Variants in KCNK13 observed in about 807,000 individuals in gnomAD.
KCNK13 encodes the protein potassium two pore domain channel subfamily K member 13, also known as potassium channel subfamily K member 13.
A neutral mutation model predicts 23.4 loss-of-function variants in KCNK13; 12 were observed. The observed-to-expected ratio is 0.51, with a 90% CI of 0.33 to 0.83. The LOEUF is 0.83. KCNK13 is among the 40% of genes least tolerant of loss of function. The pLI is 0.02. For synonymous variants in KCNK13, 231 were observed against 229.5 expected (o/e 1.01, Z -0.06); for missense variants, 463 against 556.3 (o/e 0.83, Z 1.69).
In KCNK13 at chr14:90,069,030, CTTTTTTTT is replaced by C. The variant is rs34881625; in HGVS notation, c.334+6508_334+6515del. On this transcript the variant is annotated intron_variant, in intron 1 of 1. Coordinates refer to ENST00000282146, the MANE Select transcript of KCNK13 (RefSeq NM_022054.4). ...TAGATTCTCAACAACAGTTTTTATT[CTTTTTTTT>C]TTTTTTTTTTTTTTTTGAGACAGAG... is the stretch of plus-strand genomic sequence containing the variant. 2.2e-3 allele frequency among the ~76,000 whole-genome samples: 200 copies of C among 90,106 alleles called. 1 individual carries two copies. The highest frequency in any genetic ancestry group is 0.011 in the South Asian group (26 of 2,352). The allele number at this position is 90,106 out of a possible 152,430, so 59.1% of individuals were successfully genotyped here.
chr14:90,122,923 C>G (rs2037396496), intron 1 of KCNK13, among the ~76,000 whole-genome samples: 7 of 152,138 alleles, frequency 4.6e-5, no homozygotes, highest in Admixed American at 3.9e-4. Context: ...GGTTCCGTCA[C>G]ACACTATCTC....
rs867936290 is a variant in KCNK13, at chr14:90,141,794, T to G, written c.335-42317T>G. Among the ~76,000 whole-genome samples, 51 of 125,628 alleles carry G rather than the reference T, an allele frequency of 4.1e-4. 1 individual carries two copies. The highest frequency in any genetic ancestry group is 5.1e-4 in the African/African-American group (17 of 33,232). 82.4% of individuals were successfully genotyped at this position (125,628 alleles called of 152,430 possible). A position where few individuals can be genotyped will look rare whatever the true frequency, so the allele number is the denominator to read the frequency against. ...TGGGTTTTTGTTTTGTTTTGTTTTTTGGGGGGGGGGACGGAGCCTTGCTCT... is the reference window on the plus strand; with the variant it reads ...TGGGTTTTTGTTTTGTTTTGTTTTTGGGGGGGGGGGACGGAGCCTTGCTCT... On this transcript the variant is annotated intron_variant, in intron 1 of 1. Transcript: ENST00000282146.
intron 1 of KCNK13, among the ~76,000 whole-genome samples, chr14:90,169,688 A>G (rs1890342801): frequency 6.6e-6 from 1 of 152,120 alleles, no homozygotes; most frequent in Admixed American, 6.6e-5. Flanking sequence ...GGACCTCTCC[A>G]TGGGCCTCCT....
At chr14:90,143,184 TCTTTTCTTTCTTTCTTTTCTTTCTTTTC>T (rs1166962200) in intron 1 of KCNK13, among the ~76,000 whole-genome samples, 6,094 of 41,276 alleles carry the variant, frequency 0.15, 263 homozygotes, top group South Asian at 0.41. Flanking sequence ...TCTTTTCTTT[TCTTTTCTTTCTTTCTTTTCTTTCTTTTC>T]TTTTTTTTTT....
intron 1 of KCNK13, among the ~76,000 whole-genome samples, chr14:90,109,301 T>A (rs1006777156): frequency 1.3e-5 from 2 of 151,284 alleles, no homozygotes; most frequent in Non-Finnish European, 2.9e-5. Flanking sequence ...TACCTATAGA[T>A]GAAAAAAAAG....
At chr14:90,133,083 G>A (rs1201281188) in intron 1 of KCNK13, among the ~76,000 whole-genome samples, 2 of 152,136 alleles carry the variant, frequency 1.3e-5, no homozygotes, top group African/African-American at 2.4e-5. Context: ...CCTTGGCTCC[G>A]CAAAGAGATG....
intron 1 of KCNK13, among the ~76,000 whole-genome samples, chr14:90,173,793 G>A (rs1169149023): frequency 1.3e-5 from 2 of 152,178 alleles, no homozygotes; most frequent in African/African-American, 4.8e-5. Flanking sequence ...TGAAGCAGGG[G>A]CTTACAGATC....
intron 1 of KCNK13, among the ~76,000 whole-genome samples, chr14:90,070,478 A>C (rs1889060935): frequency 6.6e-6 from 1 of 152,220 alleles, no homozygotes; most frequent in Admixed American, 6.5e-5. Context: ...TATAGTTTAA[A>C]GATTTCGACC....
At chr14:90,167,874 T>G (rs1890321981) in intron 1 of KCNK13, among the ~76,000 whole-genome samples, 1 of 152,152 alleles carries the variant, frequency 6.6e-6, no homozygotes, top group South Asian at 2.1e-4. Context: ...GAAGAAACAC[T>G]TTCCTCTCTT....
At chr14:90,119,107 C>T (rs552960811) in intron 1 of KCNK13, among the ~76,000 whole-genome samples, 3 of 152,258 alleles carry the variant, frequency 2.0e-5, no homozygotes, top group African/African-American at 7.2e-5. Flanking sequence ...AACTCATTCC[C>T]TGTACAGACC....
chr14:90,075,626 G>A (rs987320638), intron 1 of KCNK13, among the ~76,000 whole-genome samples: 1 of 151,970 alleles, frequency 6.6e-6, no homozygotes, highest in African/African-American at 2.4e-5. Flanking sequence ...TTACAGGCGT[G>A]CACCACCATG....
chr14:90,171,772 T>C (rs1393517858), intron 1 of KCNK13, among the ~76,000 whole-genome samples: 1 of 152,212 alleles, frequency 6.6e-6, no homozygotes, highest in Non-Finnish European at 1.5e-5. Context: ...TATGCATCTA[T>C]CTCAGTGAGC....
intron 1 of KCNK13, among the ~76,000 whole-genome samples, chr14:90,092,139 G>A (rs1336869204): frequency 6.6e-6 from 1 of 152,070 alleles, no homozygotes; most frequent in Non-Finnish European, 1.5e-5. Flanking sequence ...AGCCAGGATG[G>A]TCTCCATCTC....
rs528412686 is a variant in KCNK13 at position 90,142,579 on chromosome 14, A to G, written c.335-41532A>G. ...GTGATCCACCCGCCTCGGCCTCCCAAAGTGCTGGGATTACAGGCATGAGCC... is the reference window on the plus strand; with the variant it reads ...GTGATCCACCCGCCTCGGCCTCCCAGAGTGCTGGGATTACAGGCATGAGCC... On this transcript the variant is annotated intron_variant, in intron 1 of 1. Transcript: ENST00000282146. Among the ~76,000 whole-genome samples, 6 of 151,932 alleles carry G rather than the reference A, an allele frequency of 3.9e-5. No homozygotes were observed. The South Asian group carries it at 6.2e-4, about 16-fold the overall frequency.
At chr14:90,143,171 CTTTCT>C (rs144123906) in intron 1 of KCNK13, among the ~76,000 whole-genome samples, 5,581 of 123,806 alleles carry the variant, frequency 0.045, 253 homozygotes, top group African/African-American at 0.11. Flanking sequence ...TTCTTTCTTT[CTTTCT>C]TTTCTTTTCT....
chr14:90,127,897 T>G (rs1423199779), intron 1 of KCNK13, among the ~76,000 whole-genome samples: 1 of 151,652 alleles, frequency 6.6e-6, no homozygotes, highest in East Asian at 1.9e-4. Flanking sequence ...GTGACCATTC[T>G]GAGTGTACTT....
chr14:90,088,013 T>A lies in KCNK13; in HGVS notation c.334+25474T>A, dbSNP rs146936796. Among the ~76,000 whole-genome samples the A allele has an allele frequency of 3.2e-3, 483 of 152,310 alleles. 4 individuals are homozygous for A. The highest frequency in any genetic ancestry group is 0.011 in the African/African-American group (460 of 41,566). On this transcript the variant is annotated intron_variant, in intron 1 of 1. Transcript: ENST00000282146. ...TATTTATTTATTTATTTTTATTTTTTAATTTTTGAGACAGAGTCTCGCTCT... is the reference window on the plus strand; with the variant it reads ...TATTTATTTATTTATTTTTATTTTTAAATTTTTGAGACAGAGTCTCGCTCT...
chr14:90,065,034 A>G (rs1293468559), intron 1 of KCNK13, among the ~76,000 whole-genome samples: 1 of 152,220 alleles, frequency 6.6e-6, no homozygotes, highest in Non-Finnish European at 1.5e-5. Flanking sequence ...AAGAAGAAAA[A>G]AATCAAGTTA....
intron 1 of KCNK13, among the ~76,000 whole-genome samples, chr14:90,094,882 C>T (rs527540537): frequency 5.3e-5 from 8 of 152,170 alleles, no homozygotes; most frequent in Admixed American, 3.9e-4. Context: ...CTCCTGACCT[C>T]GTGATCCTCC....
Sources: allele counts gnomAD v4.1 joint callset (sites outside exome capture counted in the v4.1 genomes callset), GRCh38; gene constraint gnomAD v4.1.1; transcripts MANE v1.5; gene names NCBI Gene and HGNC (gene_info 2026-07-23, HGNC 2026-07-21).